The following RAB3C variants were observed in gnomAD, a reference collection of about 807,000 sequenced individuals.
The protein encoded by RAB3C is ras-related protein Rab-3C.
A neutral mutation model predicts 26.4 loss-of-function variants in RAB3C; 17 were observed. The observed-to-expected ratio is 0.64, with a 90% CI of 0.44 to 0.97. RAB3C has a LOEUF of 0.97. RAB3C is among the 50% of genes least tolerant of loss of function. The pLI, the probability that RAB3C is intolerant of heterozygous loss-of-function variation, is 0.00. For missense variants in RAB3C, 242 were observed against 281.9 expected (o/e 0.86, Z 1.01); for synonymous variants, 91 against 95.9 (o/e 0.95, Z 0.30).
At chr5:58,745,882 A>T (rs1741393076) in intron 3 of RAB3C, among the ~76,000 whole-genome samples, 1 of 152,246 alleles carries the variant, frequency 6.6e-6, no homozygotes, top group Admixed American at 6.5e-5. Context: ...TATTTCAAAG[A>T]ACCTTATACT....
At chr5:58,711,857 G>T (rs968603865) in intron 2 of RAB3C, among the ~76,000 whole-genome samples, 1 of 152,120 alleles carries the variant, frequency 6.6e-6, no homozygotes, top group Non-Finnish European at 1.5e-5. Flanking sequence ...GGATACTATA[G>T]TTTTAAAGAT....
intron 2 of RAB3C, among the ~76,000 whole-genome samples, chr5:58,624,816 A>G (rs1747019220): frequency 1.3e-5 from 2 of 152,126 alleles, no homozygotes; most frequent in Non-Finnish European, 2.9e-5. Flanking sequence ...GGGACAAATG[A>G]CTTCACCTTT....
rs117119497 is a variant in RAB3C, at chr5:58,594,261, A to T, written c.24+11029A>T. On this transcript the variant is annotated intron_variant, in intron 1 of 4. Coordinates refer to ENST00000282878, the MANE Select transcript of RAB3C (RefSeq NM_138453.4). Reference sequence around the variant, plus strand: ...AACAGATATGTTTACCAACTGGCAAATTATGACCCTCCTGTGACTCTCACC... The same window carrying T: ...AACAGATATGTTTACCAACTGGCAATTTATGACCCTCCTGTGACTCTCACC... Among the ~76,000 whole-genome samples, 24 of 152,320 alleles carry T rather than the reference A, an allele frequency of 1.6e-4. No individual in the cohort carries two copies. In the East Asian group the frequency reaches 4.6e-3, roughly 29 times the overall value.
At chr5:58,640,239 G>T (rs912737206) in intron 2 of RAB3C, among the ~76,000 whole-genome samples, 11 of 152,192 alleles carry the variant, frequency 7.2e-5, no homozygotes, top group Admixed American at 3.9e-4. Context: ...GGAACTTCCA[G>T]CTGCTGGCAG....
At chr5:58,610,066 A>G (rs1017285181) in intron 1 of RAB3C, among the ~76,000 whole-genome samples, 3 of 152,178 alleles carry the variant, frequency 2.0e-5, no homozygotes, top group African/African-American at 4.8e-5. Context: ...GAGGACTTTT[A>G]CCAGGAGAAA....
At chr5:58,664,327 A>G (rs1271293925) in intron 2 of RAB3C, among the ~76,000 whole-genome samples, 1 of 152,216 alleles carries the variant, frequency 6.6e-6, no homozygotes, top group Non-Finnish European at 1.5e-5. Context: ...AGTAACCTGG[A>G]TGAATCTTCA....
intron 2 of RAB3C, among the ~76,000 whole-genome samples, chr5:58,712,910 G>A (rs932874602): frequency 6.6e-5 from 10 of 152,158 alleles, no homozygotes; most frequent in Admixed American, 1.3e-4. Context: ...TGGGTGAGAG[G>A]AGTGTAGTCA....
chr5:58,729,659 C>T (rs565926767), intron 3 of RAB3C, among the ~76,000 whole-genome samples: 2 of 147,898 alleles, frequency 1.4e-5, no homozygotes, highest in Admixed American at 1.4e-4. Context: ...ATAAAATATA[C>T]ATACACACAT....
At chr5:58,604,753 G>C (rs1003218242) in intron 1 of RAB3C, among the ~76,000 whole-genome samples, 1 of 152,172 alleles carries the variant, frequency 6.6e-6, no homozygotes, top group African/African-American at 2.4e-5. Context: ...AAAGAAAAAG[G>C]CTTTAGTTCT....
At position 58,623,662 on chromosome 5, in the gene RAB3C, C is replaced by T. The variant is rs141136746; in HGVS notation, c.252+5792C>T. Among the ~76,000 whole-genome samples, 387 of 152,348 alleles carry T rather than the reference C, an allele frequency of 2.5e-3. 1 individual carries two copies. The highest frequency in any genetic ancestry group is 8.3e-3 in the African/African-American group (347 of 41,574). ...GCTCCTACATCCCACTGTGTTTAAC[C>T]ACTCTTCTCAGCATTGACAAAATAC... On this transcript the variant is annotated intron_variant, in intron 2 of 4. Coordinates refer to ENST00000282878, the MANE Select transcript of RAB3C (RefSeq NM_138453.4).
chr5:58,611,662 T>G (rs1207991151), intron 1 of RAB3C, among the ~76,000 whole-genome samples: 1 of 152,128 alleles, frequency 6.6e-6, no homozygotes, highest in Non-Finnish European at 1.5e-5. Context: ...TTGCAAAAAA[T>G]TTTTCCTATT....
At chr5:58,735,199 G>A (rs10066482) in intron 3 of RAB3C, among the ~76,000 whole-genome samples, 16,065 of 152,204 alleles carry the variant, frequency 0.11, 1,180 homozygotes, top group Non-Finnish European at 0.16. Context: ...ACAAAAATAC[G>A]AAAAGCATAG....
chr5:58,641,233 C>A (rs1178529727), intron 2 of RAB3C, among the ~76,000 whole-genome samples: 4 of 152,102 alleles, frequency 2.6e-5, no homozygotes, highest in Admixed American at 6.6e-5. Flanking sequence ...CAATAGAATG[C>A]GTAGAGTCTC....
chr5:58,653,218 T>C (rs912525466), intron 2 of RAB3C, among the ~76,000 whole-genome samples: 1 of 151,960 alleles, frequency 6.6e-6, no homozygotes, highest in African/African-American at 2.4e-5. Flanking sequence ...AGTGAGAACA[T>C]GCAGTGTTTG....
At chr5:58,721,419 A>G (rs1422226) in intron 2 of RAB3C, among the ~76,000 whole-genome samples, 82,488 of 151,586 alleles carry the variant, frequency 0.54, 22,874 homozygotes, top group Non-Finnish European at 0.6. Flanking sequence ...AGCTATTAGC[A>G]TCAGCTAGGG....
intron 2 of RAB3C, among the ~76,000 whole-genome samples, chr5:58,700,031 A>G (rs1003005382): frequency 1.1e-4 from 16 of 152,020 alleles, no homozygotes; most frequent in African/African-American, 3.9e-4. Flanking sequence ...TGCAGAAATC[A>G]CCCATCTTCT....
chr5:58,641,798 C>T (rs573081968), intron 2 of RAB3C, among the ~76,000 whole-genome samples: 4 of 152,316 alleles, frequency 2.6e-5, no homozygotes, highest in South Asian at 2.1e-4. Flanking sequence ...ACACCTAAGC[C>T]GCTGTCTCCA....
intron 3 of RAB3C, among the ~76,000 whole-genome samples, chr5:58,742,903 CA>C (rs1269128145): frequency 6.6e-6 from 1 of 151,788 alleles, no homozygotes; most frequent in African/African-American, 2.4e-5. Flanking sequence ...TTAATTCCCT[CA>C]ATTTAAAGCC....
intron 3 of RAB3C, among the ~76,000 whole-genome samples, chr5:58,734,477 A>T (rs1741092304): frequency 6.6e-6 from 1 of 152,020 alleles, no homozygotes; most frequent in Non-Finnish European, 1.5e-5. Context: ...GACCGCGGGG[A>T]GTCTCTTCTT....
Sources: gnomAD v4.1 joint callset for allele counts (sites outside exome capture counted in the v4.1 genomes callset) on GRCh38, gnomAD v4.1.1 for gene constraint, MANE v1.5 for transcripts, NCBI Gene and HGNC (gene_info 2026-07-23, HGNC 2026-07-21) for gene names.